AGBL4: variants seen among roughly 807,000 people sequenced by gnomAD.
AGBL4 encodes cytosolic carboxypeptidase 6.
A neutral mutation model predicts 66.4 loss-of-function variants in AGBL4; 58 were observed. That is an observed-to-expected ratio of 0.87 (90% confidence interval 0.71 to 1.09). AGBL4 has a LOEUF of 1.09. AGBL4 is among the 50% of genes least tolerant of loss of function. The pLI is 0.00. For missense variants in AGBL4, 579 were observed against 631.0 expected, an observed-to-expected ratio of 0.92 and a Z score of 0.88; for synonymous variants, 234 against 222.9, an observed-to-expected ratio of 1.05 and a Z score of -0.44.
chr1:49,149,373 T>A (rs146696182), intron 4 of AGBL4, among the ~76,000 whole-genome samples: 1 of 152,324 alleles, frequency 6.6e-6, no homozygotes, highest in African/African-American at 2.4e-5. Flanking sequence ...GAACACACTT[T>A]CCTTGCACAA....
At chr1:49,159,887 T>C (rs1002487672) in intron 4 of AGBL4, among the ~76,000 whole-genome samples, 1 of 152,174 alleles carries the variant, frequency 6.6e-6, no homozygotes, top group Non-Finnish European at 1.5e-5. Context: ...TTCAGGAAGT[T>C]ATCATGCTGT....
chr1:48,947,715 T>C (rs934757396), intron 5 of AGBL4, among the ~76,000 whole-genome samples: 2 of 152,222 alleles, frequency 1.3e-5, no homozygotes, highest in Admixed American at 1.3e-4. Context: ...ACTTCCAGGA[T>C]ACTCTAGTCA....
chr1:49,663,266 T>C (rs2124498580), intron 3 of AGBL4, among the ~76,000 whole-genome samples: 1 of 152,316 alleles, frequency 6.6e-6, no homozygotes, highest in South Asian at 2.1e-4. Flanking sequence ...GAGTTTTTGC[T>C]GCACAGCTAG....
chr1:49,738,013 A>G (rs1650045983), intron 2 of AGBL4, among the ~76,000 whole-genome samples: 2 of 151,548 alleles, frequency 1.3e-5, no homozygotes, highest in African/African-American at 4.8e-5. Context: ...AGCATTTCCA[A>G]CTGAGGTACC....
At chr1:49,918,183 G>A (rs1420863330) in intron 1 of AGBL4, among the ~76,000 whole-genome samples, 1 of 152,068 alleles carries the variant, frequency 6.6e-6, no homozygotes, top group Non-Finnish European at 1.5e-5. Context: ...AATTAGAGAA[G>A]CAAGAGCAAA....
intron 5 of AGBL4, among the ~76,000 whole-genome samples, chr1:48,935,316 G>A (rs1386124150): frequency 6.6e-6 from 1 of 152,170 alleles, no homozygotes; most frequent in East Asian, 1.9e-4. Context: ...TTACCAGAGT[G>A]TCTTTAAGGG....
At chr1:48,591,108 A>T (rs939261510) in intron 9 of AGBL4, 123 bp from the exon 10 acceptor site, 5 of 717,144 alleles carry the variant, frequency 7.0e-6, no homozygotes, top group Non-Finnish European at 1.0e-5. Context: ...CCACACACAC[A>T]CACACATCAA....
At chr1:48,756,604 A>G (rs1480137957) in intron 6 of AGBL4, among the ~76,000 whole-genome samples, 1 of 152,214 alleles carries the variant, frequency 6.6e-6, no homozygotes, top group Non-Finnish European at 1.5e-5. Flanking sequence ...GTTGGGAAGT[A>G]GGGAAGTTGG....
At chr1:49,235,813 C>T (rs1650687295) in intron 4 of AGBL4, among the ~76,000 whole-genome samples, 1 of 152,094 alleles carries the variant, frequency 6.6e-6, no homozygotes, top group Non-Finnish European at 1.5e-5. Context: ...TGGACAACCT[C>T]ACTGTGCTCT....
chr1:49,674,834 C>T (rs371828446), intron 3 of AGBL4, among the ~76,000 whole-genome samples: 6 of 151,978 alleles, frequency 3.9e-5, no homozygotes, highest in Admixed American at 3.3e-4. Context: ...CAAGCAGTAA[C>T]GAAACAATGT....
intron 3 of AGBL4, among the ~76,000 whole-genome samples, chr1:49,676,436 AT>A (rs976449972): frequency 6.6e-6 from 1 of 152,066 alleles, no homozygotes; most frequent in Non-Finnish European, 1.5e-5. Flanking sequence ...CAACCCAAGT[AT>A]TGATCTGGGG....
chr1:49,604,267 T>G (rs1328343536), intron 3 of AGBL4, among the ~76,000 whole-genome samples: 1 of 152,162 alleles, frequency 6.6e-6, no homozygotes, highest in African/African-American at 2.4e-5. Flanking sequence ...ATAATGGCCA[T>G]TCTGGCCAGG....
chr1:49,326,573 T>C (rs932093876), intron 3 of AGBL4, among the ~76,000 whole-genome samples: 4 of 151,758 alleles, frequency 2.6e-5, no homozygotes, highest in Admixed American at 6.6e-5. Context: ...TAGGATGCAA[T>C]AAAATGGGGA....
chr1:48,803,862 G>C (rs1645862559), intron 6 of AGBL4, among the ~76,000 whole-genome samples: 1 of 152,154 alleles, frequency 6.6e-6, no homozygotes, highest in South Asian at 2.1e-4. Flanking sequence ...CTACAATTGT[G>C]AGCTAGTCTG....
At chr1:49,689,304 C>T (rs779812595) in intron 3 of AGBL4, among the ~76,000 whole-genome samples, 1 of 152,148 alleles carries the variant, frequency 6.6e-6, no homozygotes, top group Non-Finnish European at 1.5e-5. Flanking sequence ...ATCCAGTTTT[C>T]CTAGCAGCAT....
At chr1:48,539,234 A>T (rs1644021612) in intron 12 of AGBL4, among the ~76,000 whole-genome samples, 1 of 152,154 alleles carries the variant, frequency 6.6e-6, no homozygotes, top group African/African-American at 2.4e-5. Context: ...CATAATAATC[A>T]TGTATGTGAG....
At chr1:48,602,537 T>C (rs1033796036) in intron 9 of AGBL4, among the ~76,000 whole-genome samples, 7 of 152,174 alleles carry the variant, frequency 4.6e-5, no homozygotes, top group Non-Finnish European at 7.3e-5. Flanking sequence ...GGGGAGAGCC[T>C]GCTGCGAGAC....
chr1:49,373,531 GGAA>G (rs1388875435), intron 3 of AGBL4, among the ~76,000 whole-genome samples: 21 of 152,034 alleles, frequency 1.4e-4, no homozygotes, highest in African/African-American at 4.1e-4. Context: ...AAACAATTCT[GGAA>G]GAAGAAGGTA....
chr1:48,691,624 A>G (rs1295655593), intron 6 of AGBL4, among the ~76,000 whole-genome samples: 1 of 152,192 alleles, frequency 6.6e-6, no homozygotes, highest in Non-Finnish European at 1.5e-5. Context: ...CCCTTGTTCT[A>G]CACAGTTCAT....
Sources: gnomAD v4.1 joint callset for allele counts (sites outside exome capture counted in the v4.1 genomes callset) on GRCh38, gnomAD v4.1.1 for gene constraint, MANE v1.5 for transcripts, NCBI Gene and HGNC (gene_info 2026-07-23, HGNC 2026-07-21) for gene names.